FAM114A1: variants seen among roughly 807,000 people sequenced by gnomAD.
The protein encoded by FAM114A1 is protein NOXP20.
In FAM114A1, 62 loss-of-function variants were observed where a neutral mutation model predicts 64.3. The observed-to-expected ratio is 0.96, with a 90% CI of 0.79 to 1.19. The LOEUF (loss-of-function observed/expected upper bound fraction) is 1.19, where lower values mean the gene tolerates loss of function less well. Among genes scored for constraint, FAM114A1 ranks in the 50% most tolerant of loss-of-function variants. FAM114A1 has a pLI of 0.00. For missense variants in FAM114A1, 645 were observed against 676.3 expected, an observed-to-expected ratio of 0.95 and a Z score of 0.51; for synonymous variants, 254 against 251.1, an observed-to-expected ratio of 1.01 and a Z score of -0.11.
intron 4 of FAM114A1, among the ~76,000 whole-genome samples, chr4:38,899,167 T>C (rs1341089228): frequency 6.6e-6 from 1 of 152,078 alleles, no homozygotes; most frequent in Non-Finnish European, 1.5e-5. Flanking sequence ...GGAGTTTTAC[T>C]GTGAAGTGCT....
chr4:38,935,691 C>G, intron 12 of FAM114A1, 27 bp from the exon 13 acceptor site: 2 of 1,493,086 alleles, frequency 1.3e-6, no homozygotes, highest in Non-Finnish European at 1.8e-6. Flanking sequence ...TGAAAACATC[C>G]AAGCTTTTTT....
At chr4:38,920,780 C>T in intron 8 of FAM114A1, among the ~76,000 whole-genome samples, 1 of 152,184 alleles carries the variant, frequency 6.6e-6, no homozygotes, top group East Asian at 1.9e-4. Context: ...GGACCCTGAC[C>T]CCTAAACATG....
chr4:38,896,933 CAG>C (rs1333517008), intron 4 of FAM114A1, among the ~76,000 whole-genome samples: 5 of 152,124 alleles, frequency 3.3e-5, no homozygotes, highest in Non-Finnish European at 5.9e-5. Context: ...CAGCTGCAGA[CAG>C]GGGTGCAAAA....
chr4:38,891,739 C>T lies in FAM114A1; in HGVS notation c.349-4C>T, dbSNP rs1287695548. 1.2e-6 allele frequency: 2 copies of T among 1,600,902 alleles called. No individual in the cohort carries two copies. The highest frequency in any genetic ancestry group is 1.7e-6 in the Non-Finnish European group (2 of 1,174,322). On this transcript the variant is annotated splice_region_variant and splice_polypyrimidine_tract_variant and intron_variant, in intron 3 of 14. Coordinates refer to ENST00000358869, the MANE Select transcript of FAM114A1 (RefSeq NM_138389.4). ...TGACCTGTGGCTAATTTGTTTTTCT[C>T]CAGGCTGTGGATTCCCCTCCAAGTG... is the stretch of plus-strand genomic sequence containing the variant.
At chr4:38,942,975 C>T (rs746506673) in intron 14 of FAM114A1, among the ~76,000 whole-genome samples, 5 of 151,952 alleles carry the variant, frequency 3.3e-5, no homozygotes, top group Non-Finnish European at 7.4e-5. Context: ...TGGGCAGATA[C>T]GAAGTCAGAA....
chr4:38,880,675 T>A (rs761506633), intron 3 of FAM114A1, among the ~76,000 whole-genome samples: 2 of 152,214 alleles, frequency 1.3e-5, no homozygotes, highest in Non-Finnish European at 2.9e-5. Flanking sequence ...CCACACTGTC[T>A]GTCTCATGTA....
At chr4:38,923,963 G>A (rs975472734) in intron 9 of FAM114A1, among the ~76,000 whole-genome samples, 2 of 152,160 alleles carry the variant, frequency 1.3e-5, no homozygotes, top group African/African-American at 4.8e-5. Context: ...TCTTACTGAT[G>A]TCATAACCAC....
In FAM114A1 at chr4:38,931,632, T is replaced by C. The variant is rs1384070443; in HGVS notation, c.1323+20T>C. The C allele has an allele frequency of 1.9e-6, 3 of 1,604,750 alleles. No homozygotes were observed. The highest frequency in any genetic ancestry group is 1.7e-5 in the Admixed American group (1 of 58,360). ...ATAGAGGTAAATTCATTCTAGATTG[T>C]CTGCCTACAAGGTAATAAGAGTGTG... On this transcript the variant is annotated intron_variant, in intron 11 of 14. Coordinates refer to ENST00000358869, the MANE Select transcript of FAM114A1 (RefSeq NM_138389.4).
intron 12 of FAM114A1, among the ~76,000 whole-genome samples, chr4:38,934,019 T>C (rs573750268): frequency 2.0e-5 from 3 of 152,306 alleles, no homozygotes; most frequent in Non-Finnish European, 2.9e-5. Context: ...ATCAAAGTTA[T>C]TATAAGAACC....
chr4:38,871,250 C>G (rs935795511), intron 2 of FAM114A1, among the ~76,000 whole-genome samples: 5 of 151,762 alleles, frequency 3.3e-5, no homozygotes, highest in Non-Finnish European at 5.9e-5. Context: ...CCACCATGCC[C>G]AGCTAATTTT....
intron 7 of FAM114A1, among the ~76,000 whole-genome samples, chr4:38,910,191 A>G (rs1265435333): frequency 6.6e-6 from 1 of 151,960 alleles, no homozygotes; most frequent in African/African-American, 2.4e-5. Flanking sequence ...GTGAGCCGAG[A>G]TTGTGCCACT....
intron 2 of FAM114A1, among the ~76,000 whole-genome samples, chr4:38,871,167 G>A (rs1714046486): frequency 7.2e-6 from 1 of 139,070 alleles, no homozygotes; most frequent in African/African-American, 2.7e-5. Context: ...CTGGCTCACT[G>A]TAGCCTCTGC....
chr4:38,923,611 G>A (rs767395574), intron 9 of FAM114A1, among the ~76,000 whole-genome samples: 15 of 152,082 alleles, frequency 9.9e-5, no homozygotes, highest in Non-Finnish European at 1.8e-4. Flanking sequence ...GAATTTTTTT[G>A]TATATTTTTC....
At chr4:38,911,858 T>C (rs1168211370) in intron 7 of FAM114A1, among the ~76,000 whole-genome samples, 5 of 87,614 alleles carry the variant, frequency 5.7e-5, no homozygotes, top group Non-Finnish European at 1.3e-4. Flanking sequence ...TTTTTTCTTT[T>C]TTCTTTTTTT....
chr4:38,934,465 G>C (rs984698427), intron 12 of FAM114A1, among the ~76,000 whole-genome samples: 1 of 151,986 alleles, frequency 6.6e-6, no homozygotes, highest in African/African-American at 2.4e-5. Context: ...ATTAGATAAG[G>C]CCTCTTTTAT....
chr4:38,914,622 C>T (rs1331275321), intron 7 of FAM114A1: 4 of 256,608 alleles, frequency 1.6e-5, no homozygotes, highest in South Asian at 1.4e-4. Context: ...ATGTGGGAAA[C>T]GCCTCAGTGG....
chr4:38,935,356 T>C (rs981605273), intron 12 of FAM114A1, among the ~76,000 whole-genome samples: 1 of 152,206 alleles, frequency 6.6e-6, no homozygotes, highest in African/African-American at 2.4e-5. Context: ...CTCATGATTA[T>C]TTTGAAATGA....
At chr4:38,936,155 C>G (rs12503179) in intron 13 of FAM114A1, among the ~76,000 whole-genome samples, 17,023 of 150,836 alleles carry the variant, frequency 0.11, 1,130 homozygotes, top group Admixed American at 0.17. Context: ...TGCAGTGGCG[C>G]GATCTCGGCT....
At chr4:38,888,984 C>G (rs1716075353) in intron 3 of FAM114A1, among the ~76,000 whole-genome samples, 1 of 152,158 alleles carries the variant, frequency 6.6e-6, no homozygotes, top group Non-Finnish European at 1.5e-5. Context: ...CATTTGATAA[C>G]ATATTTATAG....
Sources: allele counts gnomAD v4.1 joint callset (sites outside exome capture counted in the v4.1 genomes callset), GRCh38; gene constraint gnomAD v4.1.1; transcripts MANE v1.5; gene names NCBI Gene and HGNC (gene_info 2026-07-23, HGNC 2026-07-21).